NXPH1: variants seen among roughly 807,000 people sequenced by gnomAD.
NXPH1 encodes neurexophilin 1, also known as neurexophilin-1.
NXPH1 carries 5 observed loss-of-function variants against 23.7 expected under a neutral mutation model. The observed-to-expected ratio is 0.21, with a 90% confidence interval of 0.11 to 0.44. The LOEUF (loss-of-function observed/expected upper bound fraction) is 0.44, where lower values mean the gene tolerates loss of function less well. NXPH1 is among the 20% of genes least tolerant of loss of function. The pLI, the probability that NXPH1 is intolerant of heterozygous loss-of-function variation, is 0.99. For synonymous variants in NXPH1, 144 were observed against 122.2 expected (o/e 1.18, Z -1.18); for missense variants, 324 against 321.6 (o/e 1.01, Z -0.06).
chr7:8,523,748 C>T lies in NXPH1; in HGVS notation c.54+87981C>T, dbSNP rs148386491. Among the ~76,000 whole-genome samples the T allele has an allele frequency of 1.8e-4, 28 of 152,216 alleles. No homozygotes were observed. In the East Asian group the frequency reaches 4.5e-3, roughly 24 times the overall value. ...GAGTAAATGAACAGCTGAGTTAAAC[C>T]TAAATTTCTCTTTCTGGATCCAGTT... On this transcript the variant is annotated intron_variant, in intron 2 of 2. Coordinates refer to ENST00000405863, the MANE Select transcript of NXPH1 (RefSeq NM_152745.3).
At chr7:8,551,635 G>A (rs374466255) in intron 2 of NXPH1, among the ~76,000 whole-genome samples, 58 of 151,500 alleles carry the variant, frequency 3.8e-4, no homozygotes, top group African/African-American at 1.3e-3. Context: ...TTTGGAAGAA[G>A]GGAAATGCAT....
At chr7:8,648,525 A>G (rs1249749883) in intron 2 of NXPH1, among the ~76,000 whole-genome samples, 2 of 152,342 alleles carry the variant, frequency 1.3e-5, no homozygotes, top group Admixed American at 1.3e-4. Flanking sequence ...AGAGTACTGC[A>G]TTGTGTATAC....
chr7:8,665,262 A>G (rs1463120212), intron 2 of NXPH1, among the ~76,000 whole-genome samples: 1 of 152,056 alleles, frequency 6.6e-6, no homozygotes, highest in Non-Finnish European at 1.5e-5. Context: ...TTTCAGCACC[A>G]TTTATTGAAA....
intron 2 of NXPH1, among the ~76,000 whole-genome samples, chr7:8,596,320 T>G (rs2128626368): frequency 6.6e-6 from 1 of 151,996 alleles, no homozygotes; most frequent in Non-Finnish European, 1.5e-5. Context: ...AGGATAAGAG[T>G]GCTTCAGAAT....
intron 2 of NXPH1, among the ~76,000 whole-genome samples, chr7:8,477,703 A>G (rs1405035163): frequency 6.6e-6 from 1 of 152,086 alleles, no homozygotes; most frequent in African/African-American, 2.4e-5. Context: ...CTGGGGGAGG[A>G]TGGCTGCATC....
intron 2 of NXPH1, among the ~76,000 whole-genome samples, chr7:8,577,246 A>G (rs559070958): frequency 5.4e-4 from 82 of 152,280 alleles, no homozygotes; most frequent in African/African-American, 1.9e-3. Flanking sequence ...TTCTTTTAAT[A>G]TAAGTGATAA....
intron 2 of NXPH1, among the ~76,000 whole-genome samples, chr7:8,546,163 T>G (rs1262493374): frequency 6.6e-6 from 1 of 151,460 alleles, no homozygotes; most frequent in African/African-American, 2.4e-5. Context: ...ATGTGTTAAG[T>G]GTCAAGGAGA....
Position 8,728,599 on chromosome 7 carries a change from T to A in NXPH1, c.55-22409T>A, listed in dbSNP as rs374491797. On this transcript the variant is annotated intron_variant, in intron 2 of 2. Transcript: ENST00000405863. ...TTTTCTGCATCTATTGAGATAATCATGTGGTTTTTGTCTTTGGCTCTGTTT... is the reference window on the plus strand; with the variant it reads ...TTTTCTGCATCTATTGAGATAATCAAGTGGTTTTTGTCTTTGGCTCTGTTT... Among the ~76,000 whole-genome samples the A allele has an allele frequency of 2.3e-4, 35 of 152,220 alleles. 1 individual carries two copies. The East Asian group carries it at 6.2e-3, about 27-fold the overall frequency.
At chr7:8,462,846 T>G (rs909336559) in intron 2 of NXPH1, among the ~76,000 whole-genome samples, 1 of 152,242 alleles carries the variant, frequency 6.6e-6, no homozygotes, top group African/African-American at 2.4e-5. Context: ...TTGCATTTAC[T>G]TAGTTATTTC....
chr7:8,641,929 A>C (rs1820320610), intron 2 of NXPH1, among the ~76,000 whole-genome samples: 1 of 152,190 alleles, frequency 6.6e-6, no homozygotes, highest in African/African-American at 2.4e-5. Context: ...AATAAAATCA[A>C]ATGCCAGGGA....
rs1207117426 is a variant in NXPH1 at position 8,437,183 on chromosome 7, A to C, written c.54+1416A>C. On this transcript the variant is annotated intron_variant, in intron 2 of 2. Coordinates refer to ENST00000405863, the MANE Select transcript of NXPH1 (RefSeq NM_152745.3). ...AAAGAACAGCCTTTCTGACTCTGTCACCGAAGTCTGTGCCTTTACCCGCTG... is the reference window on the plus strand; with the variant it reads ...AAAGAACAGCCTTTCTGACTCTGTCCCCGAAGTCTGTGCCTTTACCCGCTG... Among the ~76,000 whole-genome samples, 5 of 152,168 alleles carry C rather than the reference A, an allele frequency of 3.3e-5. No individual in the cohort carries two copies. In the East Asian group the frequency reaches 9.6e-4, roughly 29 times the overall value.
chr7:8,594,761 A>G (rs1583179472), intron 2 of NXPH1, among the ~76,000 whole-genome samples: 2 of 152,064 alleles, frequency 1.3e-5, no homozygotes, highest in South Asian at 4.1e-4. Context: ...GGAAGATTCT[A>G]CTTAATAGAA....
intron 2 of NXPH1, among the ~76,000 whole-genome samples, chr7:8,669,501 C>G (rs901765051): frequency 9.2e-5 from 14 of 152,180 alleles, no homozygotes; most frequent in African/African-American, 3.4e-4. Flanking sequence ...TTGGCACTAG[C>G]TTGGAGGTTC....
At chr7:8,732,854 C>G (rs1459751100) in intron 2 of NXPH1, among the ~76,000 whole-genome samples, 1 of 151,960 alleles carries the variant, frequency 6.6e-6, no homozygotes, top group African/African-American at 2.4e-5. Flanking sequence ...TACCCTTGGG[C>G]TTCATGAAAT....
At chr7:8,617,144 C>T (rs2115118640) in intron 2 of NXPH1, among the ~76,000 whole-genome samples, 1 of 152,170 alleles carries the variant, frequency 6.6e-6, no homozygotes, top group Non-Finnish European at 1.5e-5. Flanking sequence ...ATGCTGGAAA[C>T]CATCCTACAA....
intron 2 of NXPH1, among the ~76,000 whole-genome samples, chr7:8,462,031 C>A (rs1486431024): frequency 7.1e-6 from 1 of 140,078 alleles, no homozygotes; most frequent in Non-Finnish European, 1.5e-5. Context: ...TTATGTATAT[C>A]TATATATCTA....
chr7:8,574,049 T>A (rs940714489), intron 2 of NXPH1, among the ~76,000 whole-genome samples: 5 of 152,074 alleles, frequency 3.3e-5, no homozygotes, highest in African/African-American at 9.7e-5. Context: ...CCTTCTAGCT[T>A]AATGATGTGC....
intron 2 of NXPH1, among the ~76,000 whole-genome samples, chr7:8,594,738 C>T (rs1177113933): frequency 6.6e-6 from 1 of 151,934 alleles, no homozygotes; most frequent in East Asian, 1.9e-4. Context: ...TGACTTTACT[C>T]TGGTTCAGGG....
chr7:8,500,843 A>G (rs1817419323), intron 2 of NXPH1, among the ~76,000 whole-genome samples: 1 of 151,984 alleles, frequency 6.6e-6, no homozygotes, highest in Non-Finnish European at 1.5e-5. Context: ...TGGTCCTCCC[A>G]TTTTTCAGAC....
Sources: gnomAD v4.1 joint callset for allele counts (sites outside exome capture counted in the v4.1 genomes callset) on GRCh38, gnomAD v4.1.1 for gene constraint, MANE v1.5 for transcripts, NCBI Gene and HGNC (gene_info 2026-07-23, HGNC 2026-07-21) for gene names.